Variants in LGALS3 observed in about 807,000 individuals in gnomAD.
LGALS3 encodes the protein galectin 3.
LGALS3 carries 18 observed loss-of-function variants against 20.7 expected under a neutral mutation model. That is an observed-to-expected ratio of 0.87 (90% confidence interval 0.60 to 1.29). The LOEUF is 1.29. LGALS3 is among the 50% of genes most tolerant of loss of function. LGALS3 has a pLI of 0.00. For synonymous variants in LGALS3, 112 were observed against 119.6 expected (o/e 0.94, Z 0.42); for missense variants, 315 against 314.7 (o/e 1.00, Z -0.01).
chr14:55,145,120 A>G lies in LGALS3; in HGVS notation c.602A>G (p.Gln201Arg), dbSNP rs1175893247. The G allele has an allele frequency of 1.2e-6, 2 of 1,613,368 alleles. No individual in the cohort carries two copies. The highest frequency in any genetic ancestry group is 1.3e-5 in the African/African-American group (1 of 75,026). Residue 201 changes from glutamine to arginine, a missense_variant, in exon 6 of 6, where the codon CAA becomes CGA. Coordinates refer to ENST00000254301, the MANE Select transcript of LGALS3 (RefSeq NM_002306.4). ...TTTATGTATATGCCATTTCAGATAC[A>G]AGTACTGGTTGAACCTGACCACTTC... ...PFESGKPFKIQVLVEPDHFKV... is the reference protein window; with the variant it reads ...PFESGKPFKIRVLVEPDHFKV...
Position 55,145,371 on chromosome 14 carries a change from C to T in LGALS3, c.*100C>T, listed in dbSNP as rs750046668. The T allele has an allele frequency of 6.4e-7, 1 of 1,562,192 alleles. No homozygotes were observed. The highest frequency in any genetic ancestry group is 8.7e-7 in the Non-Finnish European group (1 of 1,153,496). ...TGAAAATTTTTACATTCATCAATAT[C>T]CCTCTTGTAAGTCATCTACTTAATA... On this transcript the variant is annotated 3_prime_UTR_variant, in exon 6 of 6. Coordinates refer to ENST00000254301, the MANE Select transcript of LGALS3 (RefSeq NM_002306.4).
chr14:55,134,015 C>T (rs1881308242), intron 1 of LGALS3, among the ~76,000 whole-genome samples: 1 of 152,146 alleles, frequency 6.6e-6, no homozygotes, highest in African/African-American at 2.4e-5. Flanking sequence ...ATTGGCGGTC[C>T]TCAACTAGCC....
intron 2 of LGALS3, chr14:55,137,694 G>A (rs965268300): frequency 2.1e-5 from 29 of 1,391,552 alleles, no homozygotes; most frequent in Admixed American, 1.5e-4. Context: ...CGGGAAGTGC[G>A]GTACAGTCTG....
At chr14:55,134,145 A>T (rs1031782901) in intron 1 of LGALS3, among the ~76,000 whole-genome samples, 5 of 152,116 alleles carry the variant, frequency 3.3e-5, no homozygotes, top group Non-Finnish European at 2.9e-5. Context: ...GGCTCAAGCA[A>T]TATTCCCGCC....
intron 3 of LGALS3, among the ~76,000 whole-genome samples, chr14:55,138,737 G>A (rs556677854): frequency 3.0e-4 from 46 of 152,250 alleles, no homozygotes; most frequent in Non-Finnish European, 5.0e-4. Context: ...TCACACATGG[G>A]GAAATGGGGC....
intron 5 of LGALS3, 149 bp downstream of exon 5, chr14:55,142,898 C>T (rs1371054607): frequency 8.3e-6 from 5 of 599,132 alleles, no homozygotes; most frequent in South Asian, 7.3e-5. Context: ...GGACCAGGCT[C>T]AGCAGGCTGA....
chr14:55,142,875 C>T lies in LGALS3; in HGVS notation c.597+126C>T, dbSNP rs1881678537. ...CTAAGGTGCCTAACCAGTTTATCTT[C>T]TCCCTGCCCAGGGGACCAGGCTCAG... is the stretch of plus-strand genomic sequence containing the variant. On this transcript the variant is annotated intron_variant, in intron 5 of 5. Transcript: ENST00000254301. 1.2e-5 allele frequency: 8 copies of T among 689,564 alleles called. 1 individual carries two copies. The South Asian group carries it at 1.7e-4, about 15-fold the overall frequency. The allele number at this position is 689,564 out of a possible 1,614,324, so 42.7% of individuals were successfully genotyped here.
intron 1 of LGALS3, among the ~76,000 whole-genome samples, chr14:55,133,701 T>G (rs1042974905): frequency 2.6e-5 from 4 of 152,236 alleles, no homozygotes; most frequent in African/African-American, 9.6e-5. Flanking sequence ...CGAGGTGGTG[T>G]TGAAACAGTG....
intron 1 of LGALS3, among the ~76,000 whole-genome samples, chr14:55,130,562 G>GT (rs60310677): frequency 0.047 from 6,755 of 144,802 alleles, 280 homozygotes; most frequent in African/African-American, 0.12. Flanking sequence ...TTTACCTAAG[G>GT]TTTTTTTTTT....
In LGALS3 at chr14:55,137,358, T is replaced by C. The variant is rs947944070; in HGVS notation, c.-4-12T>C. On this transcript the variant is annotated splice_polypyrimidine_tract_variant and intron_variant, in intron 1 of 5. Transcript: ENST00000254301. ...GCTTTTAGGATAAAATGATAATCTTTGTTTCTTTCAGGAAAATGGCAGACA... is the reference window on the plus strand; with the variant it reads ...GCTTTTAGGATAAAATGATAATCTTCGTTTCTTTCAGGAAAATGGCAGACA... The C allele has an allele frequency of 6.2e-7, 1 of 1,612,918 alleles. No individual in the cohort carries two copies. The highest frequency in any genetic ancestry group is 1.3e-5 in the African/African-American group (1 of 74,914).
chr14:55,137,704 G>C, intron 2 of LGALS3: 1 of 1,365,716 alleles, frequency 7.3e-7, no homozygotes, highest in Non-Finnish European at 9.4e-7. Flanking sequence ...GGTACAGTCT[G>C]GGCATTCTGA....
chr14:55,129,908 A>AGGAGATCTCGCTGT lies in LGALS3; in HGVS notation c.-5+613_-5+626dup, dbSNP rs1327211375. ...GAGCATCAGCTGAGGCTGGACTTGG[A>AGGAGATCTCGCTGT]GGAGATCTCGCTGTGGAGCGCGAAT... On this transcript the variant is annotated intron_variant, in intron 1 of 5. Coordinates refer to ENST00000254301, the MANE Select transcript of LGALS3 (RefSeq NM_002306.4). This position sits in a 1 kb window ranked among gnomAD's most constrained non-coding sequence, Gnocchi z 5.3. 6.6e-6 allele frequency among the ~76,000 whole-genome samples: 1 copy of AGGAGATCTCGCTGT among 151,950 alleles called. No individual in the cohort carries two copies. The highest frequency in any genetic ancestry group is 1.5e-5 in the Non-Finnish European group (1 of 67,944).
In LGALS3 at chr14:55,138,135, C is replaced by A. The variant is rs777600788; in HGVS notation, c.109C>A (p.Pro37Thr). ...CCAGCCTGCTGGGGCAGGGGGCTACCCAGGGGCTTCCTATCCTGGGGCCTA... is the reference window on the plus strand; with the variant it reads ...CCAGCCTGCTGGGGCAGGGGGCTACACAGGGGCTTCCTATCCTGGGGCCTA... Reference protein sequence around the residue: ...GNQPAGAGGYPGASYPGAYPG... With the variant: ...GNQPAGAGGYTGASYPGAYPG... Residue 37 changes from proline (P) to threonine (T), a missense_variant, in exon 3 of 6, where the codon CCA (proline) becomes ACA (threonine). By Grantham distance (38) the Pro-to-Thr change is conservative (BLOSUM62 -1). Transcript: ENST00000254301. 16 of 1,580,248 alleles carry A rather than the reference C, an allele frequency of 1.0e-5. No homozygotes were observed. The highest frequency in any genetic ancestry group is 1.9e-5 in the Admixed American group (1 of 51,892).
chr14:55,137,448 G>C (rs1881440531), intron 2 of LGALS3, 57 bp downstream of exon 2: 1 of 1,614,056 alleles, frequency 6.2e-7, no homozygotes, highest in Admixed American at 1.7e-5. Context: ...TTGAGGGTTG[G>C]GGGTTTTGTT....
intron 1 of LGALS3, among the ~76,000 whole-genome samples, chr14:55,130,203 G>A (rs1881184976): frequency 6.6e-6 from 1 of 152,174 alleles, no homozygotes; most frequent in African/African-American, 2.4e-5. Flanking sequence ...CTGAATTATC[G>A]GGTGCTCAAA....
intron 3 of LGALS3, among the ~76,000 whole-genome samples, chr14:55,139,251 T>G (rs1249655884): frequency 6.6e-6 from 1 of 152,114 alleles, no homozygotes; most frequent in Non-Finnish European, 1.5e-5. Flanking sequence ...ATCTACTGAT[T>G]ATGTCTTAGG....
intron 1 of LGALS3, among the ~76,000 whole-genome samples, chr14:55,132,979 T>C (rs1354001143): frequency 6.6e-6 from 1 of 152,260 alleles, no homozygotes; most frequent in Non-Finnish European, 1.5e-5. Context: ...CAAATGACTA[T>C]ACAAAATGGC....
In LGALS3 at chr14:55,138,098, C is replaced by T. The variant is rs181337247; in HGVS notation, c.72C>T (p.Gly24=). The change falls in exon 3 of 6, where the codon GGC becomes GGT. Residue 24 remains glycine (G), a synonymous_variant. Transcript: ENST00000254301. ...SGNPNPQGWP[G]AWGNQPAGAG... is the part of the protein sequence containing the mutation. ...ACCCAAACCCTCAAGGATGGCCTGG[C>T]GCATGGGGGAACCAGCCTGCTGGGG... The T allele has an allele frequency of 6.3e-4, 957 of 1,530,868 alleles. 1 individual carries two copies. The highest frequency in any genetic ancestry group is 7.6e-4 in the Non-Finnish European group (864 of 1,142,884). 94.8% of individuals were successfully genotyped at this position (1,530,868 alleles called of 1,614,324 possible).
intron 1 of LGALS3, among the ~76,000 whole-genome samples, chr14:55,130,423 C>G (rs1440574305): frequency 1.3e-5 from 2 of 152,094 alleles, no homozygotes; most frequent in African/African-American, 2.4e-5. Context: ...CAGGCTGTCT[C>G]TAGGATTCTG....
Sources: allele counts gnomAD v4.1 joint callset (sites outside exome capture counted in the v4.1 genomes callset), GRCh38; gene constraint gnomAD v4.1.1; non-coding constraint Gnocchi (gnomAD v3.1); transcripts MANE v1.5; gene names NCBI Gene and HGNC (gene_info 2026-07-23, HGNC 2026-07-21).